SPINK5: variants seen among roughly 807,000 people sequenced by gnomAD.
SPINK5 encodes serine protease inhibitor Kazal-type 5.
SPINK5 carries 125 observed loss-of-function variants against 151.8 expected under a neutral mutation model. The ratio of observed to expected loss-of-function variants is 0.82; its 90% CI spans 0.71 to 0.96. The LOEUF (loss-of-function observed/expected upper bound fraction) is 0.96, where lower values mean the gene tolerates loss of function less well. SPINK5 is among the 40% of genes least tolerant of loss of function. SPINK5 has a pLI of 0.00. For missense variants in SPINK5, 1,194 were observed against 1,291.9 expected, an observed-to-expected ratio of 0.92 and a Z score of 1.16; for synonymous variants, 374 against 395.3, an observed-to-expected ratio of 0.95 and a Z score of 0.64.
chr5:148,080,135 A>G (rs1242405908), intron 4 of SPINK5, among the ~76,000 whole-genome samples: 1 of 151,296 alleles, frequency 6.6e-6, no homozygotes, highest in Non-Finnish European at 1.5e-5. Flanking sequence ...AAATTAAAAT[A>G]TTTCATTCAC....
intron 4 of SPINK5, among the ~76,000 whole-genome samples, chr5:148,084,094 T>C (rs1265672826): frequency 6.6e-6 from 1 of 151,924 alleles, no homozygotes; most frequent in East Asian, 1.9e-4. Context: ...TGATAAAATA[T>C]TTTTCTACCC....
chr5:148,114,308 G>A lies in SPINK5; in HGVS notation c.1888-54G>A, dbSNP rs3815735. On this transcript the variant is annotated intron_variant, in intron 20 of 32. Coordinates refer to ENST00000256084, the MANE Select transcript of SPINK5 (RefSeq NM_006846.4). Reference sequence around the variant, plus strand: ...CTATAAAGCACTTAGTAGGAACCCAGTAAACTAATTTCCCAGAAGATACTC... The same window carrying A: ...CTATAAAGCACTTAGTAGGAACCCAATAAACTAATTTCCCAGAAGATACTC... 0.67 allele frequency: 1,059,702 copies of A among 1,581,314 alleles called. 360,425 individuals are homozygous for A. The highest frequency in any genetic ancestry group is 0.91 in the East Asian group (39,973 of 43,848).
chr5:148,120,199 CA>C, intron 25 of SPINK5, 63 bp downstream of exon 25: 1 of 1,612,466 alleles, frequency 6.2e-7, no homozygotes, highest in East Asian at 2.2e-5. Context: ...CATTTCTTAC[CA>C]GTTTGGGAAA....
chr5:148,101,508 G>A lies in SPINK5; in HGVS notation c.1302+72G>A. 9 of 1,244,026 alleles carry A rather than the reference G, an allele frequency of 7.2e-6. No homozygotes were observed. The Admixed American group carries it at 1.4e-4, about 19-fold the overall frequency. The allele number at this position is 1,244,026 out of a possible 1,614,324, so 77.1% of individuals were successfully genotyped here. On this transcript the variant is annotated intron_variant, in intron 14 of 32. Coordinates refer to ENST00000256084, the MANE Select transcript of SPINK5 (RefSeq NM_006846.4). ...TCCACAGATCATGTTCAGGGAACAC[G>A]TGCATTCCTTAAAACTGTATGAAAC...
chr5:148,096,081 A>C (rs1293165902), intron 10 of SPINK5, among the ~76,000 whole-genome samples, 176 bp downstream of exon 10: 1 of 151,934 alleles, frequency 6.6e-6, no homozygotes, highest in Non-Finnish European at 1.5e-5. Context: ...TTAGATTAAA[A>C]AATTATGGCA....
At chr5:148,074,648 A>G (rs1284105640) in intron 4 of SPINK5, among the ~76,000 whole-genome samples, 2 of 151,774 alleles carry the variant, frequency 1.3e-5, no homozygotes, top group Admixed American at 1.3e-4. Context: ...TTAGAGATAA[A>G]AATAACTGAG....
In SPINK5 at chr5:148,099,472, C is replaced by T. The variant is rs1367786255; in HGVS notation, c.1092+157C>T. 4.1e-5 allele frequency among the ~76,000 whole-genome samples: 6 copies of T among 146,990 alleles called. No homozygotes were observed. The East Asian group carries it at 1.2e-3, about 30-fold the overall frequency. ...AGATGAATTATATGGGAAGATTGATCCATTCTTGCTGATTAAAAACTAACT... is the reference window on the plus strand; with the variant it reads ...AGATGAATTATATGGGAAGATTGATTCATTCTTGCTGATTAAAAACTAACT... On this transcript the variant is annotated intron_variant, in intron 12 of 32. Transcript: ENST00000256084.
chr5:148,105,783 ATTTT>A (rs5872059), intron 16 of SPINK5, among the ~76,000 whole-genome samples: 2 of 130,566 alleles, frequency 1.5e-5, no homozygotes, highest in Admixed American at 7.7e-5. Flanking sequence ...TGCCCAGCTA[ATTTT>A]TTTTTTTTTT....
intron 16 of SPINK5, among the ~76,000 whole-genome samples, chr5:148,105,775 C>G (rs1198012768): frequency 2.9e-5 from 4 of 137,956 alleles, no homozygotes; most frequent in African/African-American, 1.1e-4. Flanking sequence ...TGCCACAATG[C>G]CCAGCTAATT....
At chr5:148,103,118 C>T (rs1285601277) in intron 15 of SPINK5, among the ~76,000 whole-genome samples, 1 of 152,038 alleles carries the variant, frequency 6.6e-6, no homozygotes, top group African/African-American at 2.4e-5. Flanking sequence ...AGGCTTGGAG[C>T]ACTAAAAATC....
At chr5:148,084,726 T>C (rs758902976) in intron 4 of SPINK5, among the ~76,000 whole-genome samples, 9 of 151,878 alleles carry the variant, frequency 5.9e-5, no homozygotes, top group African/African-American at 2.2e-4. Flanking sequence ...ACATTTCCCT[T>C]CTTTCTGTCC....
chr5:148,136,905 T>C (rs1754707426), intron 32 of SPINK5, 78 bp from the exon 33 acceptor site: 2 of 1,542,026 alleles, frequency 1.3e-6, no homozygotes, highest in Non-Finnish European at 1.8e-6. Context: ...TTGATTAAGA[T>C]GCAGCTATAA....
chr5:148,122,551 A>T (rs1009485125), intron 26 of SPINK5, among the ~76,000 whole-genome samples: 1 of 149,592 alleles, frequency 6.7e-6, no homozygotes, highest in East Asian at 2.1e-4. Flanking sequence ...AGTACATTCT[A>T]GATCCTATCT....
chr5:148,090,285 A>G (rs1194462606), intron 7 of SPINK5, among the ~76,000 whole-genome samples: 1 of 151,866 alleles, frequency 6.6e-6, no homozygotes, highest in Non-Finnish European at 1.5e-5. Context: ...TAAAATCAGG[A>G]CAGAGATTTA....
intron 4 of SPINK5, among the ~76,000 whole-genome samples, chr5:148,073,688 A>G (rs923186414): frequency 6.6e-6 from 1 of 151,634 alleles, no homozygotes; most frequent in African/African-American, 2.4e-5. Flanking sequence ...TCTAAAAAAT[A>G]TAGCTAGTTA....
At chr5:148,105,111 TA>T (rs1753748192) in intron 16 of SPINK5, 111 bp downstream of exon 16, 1 of 1,224,032 alleles carries the variant, frequency 8.2e-7, no homozygotes, top group African/African-American at 1.5e-5. Context: ...ATGCCTGAAA[TA>T]AATGAAGAAC....
intron 21 of SPINK5, among the ~76,000 whole-genome samples, chr5:148,114,949 C>T (rs1204177163): frequency 1.3e-5 from 2 of 152,094 alleles, no homozygotes; most frequent in Non-Finnish European, 2.9e-5. Flanking sequence ...ATAGCATTTA[C>T]CAAACATCTA....
chr5:148,081,770 C>T (rs1052228234), intron 4 of SPINK5, among the ~76,000 whole-genome samples: 1 of 151,524 alleles, frequency 6.6e-6, no homozygotes, highest in Non-Finnish European at 1.5e-5. Context: ...ATAACTAATA[C>T]CTCAATAAAG....
In SPINK5 at chr5:148,120,060, A is replaced by G. The variant is rs1561701231; in HGVS notation, c.2365A>G (p.Thr789Ala). ...SQMKNGKLIC[T>A]RESDPVRGPD... ...AATGAAAAATGGAAAACTCATCTGC[A>G]CTCGAGAAAGTGACCCTGTCCGGGG... is the stretch of plus-strand genomic sequence containing the variant. Residue 789 changes from threonine (T) to alanine (A), a missense_variant, in exon 25 of 33, where the codon ACT becomes GCT. Coordinates refer to ENST00000256084, the MANE Select transcript of SPINK5 (RefSeq NM_006846.4). The G allele has an allele frequency of 6.2e-7, 1 of 1,613,864 alleles. No individual in the cohort carries two copies. Among genetic ancestry groups the G allele is most frequent in the East Asian group, 2.2e-5 (1 of 44,882 alleles).
Sources: allele counts gnomAD v4.1 joint callset (sites outside exome capture counted in the v4.1 genomes callset), GRCh38; gene constraint gnomAD v4.1.1; transcripts MANE v1.5; gene names NCBI Gene and HGNC (gene_info 2026-07-23, HGNC 2026-07-21).